The following FAHD2A variants were observed in gnomAD, a reference collection of about 807,000 sequenced individuals.
FAHD2A encodes the protein fumarylacetoacetate hydrolase domain containing 2A.
Under a neutral mutation model 33.4 loss-of-function variants are expected in FAHD2A, and 27 were observed. The ratio of observed to expected loss-of-function variants is 0.81; its 90% CI spans 0.60 to 1.11. FAHD2A has a LOEUF of 1.11. Ranked by LOEUF, FAHD2A falls within the 50% of genes most tolerant of loss-of-function variation. The probability of loss-of-function intolerance (pLI) is 0.00; values close to 1 mark genes in which losing one functional copy is unlikely to be tolerated. For synonymous variants in FAHD2A, 130 were observed against 153.3 expected (o/e 0.85, Z 1.12); for missense variants, 296 against 395.0 (o/e 0.75, Z 2.12).
At chr2:95,416,807 A>G (rs1240336742), downstream of FAHD2A, among the ~76,000 whole-genome samples, 2 of 152,206 alleles carry the variant, frequency 1.3e-5, no homozygotes, top group Non-Finnish European at 2.9e-5. Context: ...GAACTAGGAG[A>G]TACCCACACA....
At chr2:95,412,654 C>A (rs1358264677) in intron 6 of FAHD2A, 23 bp from the exon 7 acceptor site, 25 of 1,613,780 alleles carry the variant, frequency 1.5e-5, no homozygotes, top group Non-Finnish European at 2.0e-5. Context: ...CTGGTCTCAC[C>A]GGGTCCTTCT....
chr2:95,418,665 G>A (rs965045211), downstream of FAHD2A, among the ~76,000 whole-genome samples: 1 of 151,936 alleles, frequency 6.6e-6, no homozygotes, highest in African/African-American at 2.4e-5. Flanking sequence ...TCACAAAGAT[G>A]GGGAATGAGT....
chr2:95,408,246 C>G (rs1681935628), intron 3 of FAHD2A, among the ~76,000 whole-genome samples: 1 of 152,066 alleles, frequency 6.6e-6, no homozygotes, highest in South Asian at 2.1e-4. Flanking sequence ...CCCCAATTCC[C>G]AATCGGAAGT....
At chr2:95,411,144 C>G (rs890414297) in intron 5 of FAHD2A, 118 bp downstream of exon 5, 1 of 1,480,952 alleles carries the variant, frequency 6.8e-7, no homozygotes, top group African/African-American at 1.4e-5. Flanking sequence ...CCTTTCACTG[C>G]TGACTCCATA....
chr2:95,418,019 C>T (rs887724638), downstream of FAHD2A, among the ~76,000 whole-genome samples: 6 of 151,992 alleles, frequency 3.9e-5, 1 homozygote, highest in African/African-American at 1.5e-4. Context: ...ACGATAGAAT[C>T]GAGTGTAGAT....
At chr2:95,408,705 A>G (rs2104361870) in intron 3 of FAHD2A, among the ~76,000 whole-genome samples, 1 of 152,366 alleles carries the variant, frequency 6.6e-6, no homozygotes, top group South Asian at 2.1e-4. Flanking sequence ...GTCCCATAGC[A>G]CGTTAGAATT....
chr2:95,413,281 C>G lies in FAHD2A; in HGVS notation c.*324C>G, dbSNP rs1193306296. 4.3e-6 allele frequency: 6 copies of G among 1,380,014 alleles called. No individual in the cohort carries two copies. The East Asian group carries it at 1.5e-4, about 35-fold the overall frequency. The allele number at this position is 1,380,014 out of a possible 1,614,324, so 85.5% of individuals were successfully genotyped here. ...GGGAAAAGACAATTCGTGTCGTCCC[C>G]TTGTTTATCACATCAAAGAAGGGAA... On this transcript the variant is annotated 3_prime_UTR_variant, in exon 8 of 8. Transcript: ENST00000233379.
intron 1 of FAHD2A, among the ~76,000 whole-genome samples, chr2:95,404,444 C>T (rs1456024845): frequency 6.6e-6 from 1 of 152,130 alleles, no homozygotes; most frequent in Non-Finnish European, 1.5e-5. Flanking sequence ...CAGGTGGCTG[C>T]CACCACACTC....
chr2:95,407,058 A>G lies in FAHD2A; in HGVS notation c.363A>G (p.Glu121=), dbSNP rs1368292607. ...TGAATTATGTGGACCACTGCAAAGAACAGAACGTGCCCGTGCCCAAGGAGC... is the reference window on the plus strand; with the variant it reads ...TGAATTATGTGGACCACTGCAAAGAGCAGAACGTGCCCGTGCCCAAGGAGC... ...VGMNYVDHCK[E]QNVPVPKEPI... is the part of the protein sequence containing the mutation. The change falls in exon 3 of 8, where the codon GAA becomes GAG. Residue 121 remains glutamate, a synonymous_variant. Transcript: ENST00000233379. The G allele has an allele frequency of 6.2e-7, 1 of 1,613,304 alleles. No homozygotes were observed.
At chr2:95,411,253 C>T (rs1426724619) in intron 5 of FAHD2A, among the ~76,000 whole-genome samples, 2 of 152,226 alleles carry the variant, frequency 1.3e-5, no homozygotes, top group East Asian at 1.9e-4. Context: ...AAACTGCATG[C>T]GTGAAGTAAA....
chr2:95,412,464 T>A lies in FAHD2A; in HGVS notation c.716T>A (p.Val239Glu). 3 of 1,613,700 alleles carry A rather than the reference T, an allele frequency of 1.9e-6. No individual in the cohort carries two copies. Among genetic ancestry groups the A allele is most frequent in the Non-Finnish European group, 2.5e-6 (3 of 1,179,818 alleles). The stretch of plus-strand genomic sequence containing the variant: ...CACAACTTAAAGATCTGCTGCCGAG[T>A]GAATGGGGAAGTGGTCCAGAGCGGC... ...DPHNLKICCR[V>E]NGEVVQSGNT... The change falls in exon 6 of 8, where the codon GTG (valine) becomes GAG (glutamate). Residue 239 changes from valine to glutamate, a missense_variant. Coordinates refer to ENST00000233379, the MANE Select transcript of FAHD2A (RefSeq NM_016044.3).
chr2:95,411,294 C>T (rs189256667), intron 5 of FAHD2A, among the ~76,000 whole-genome samples: 186 of 152,334 alleles, frequency 1.2e-3, no homozygotes, highest in Non-Finnish European at 2.1e-3. Context: ...ATGGGTGGAT[C>T]GGGCTTCCTG....
rs375056682 is a variant in FAHD2A at position 95,406,968 on chromosome 2, A to G, written c.273A>G (p.Leu91=). Residue 91 remains leucine (L), a synonymous_variant, in exon 3 of 8, where the codon CTA becomes CTG. Transcript: ENST00000233379. The part of the protein sequence containing the change: ...RRALAAQLPV[L]PRSEVTFLAP... Reference sequence around the variant, plus strand: ...CCCTGGCTGCCCAGTTGCCAGTCCTACCACGGTCGGAGGTAACCTTCCTGG... The same window carrying G: ...CCCTGGCTGCCCAGTTGCCAGTCCTGCCACGGTCGGAGGTAACCTTCCTGG... The G allele has an allele frequency of 1.2e-5, 19 of 1,613,720 alleles. No individual in the cohort carries two copies. The highest frequency in any genetic ancestry group is 2.2e-5 in the East Asian group (1 of 44,896).
At chr2:95,409,727 A>G (rs902908305) in intron 3 of FAHD2A, among the ~76,000 whole-genome samples, 2 of 151,714 alleles carry the variant, frequency 1.3e-5, no homozygotes, top group African/African-American at 4.8e-5. Flanking sequence ...TTCTGTTTTT[A>G]CTCAATTGTT....
In FAHD2A at chr2:95,413,606, AG is replaced by A; in HGVS notation, c.*652del. 6.6e-7 allele frequency: 1 copy of A among 1,506,286 alleles called. No homozygotes were observed. The highest frequency in any genetic ancestry group is 1.3e-5 in the South Asian group (1 of 75,398). 93.3% of individuals were successfully genotyped at this position (1,506,286 alleles called of 1,614,324 possible). A position where few individuals can be genotyped will look rare whatever the true frequency, so the allele number is the denominator to read the frequency against. On this transcript the variant is annotated 3_prime_UTR_variant, in exon 8 of 8. Coordinates refer to ENST00000233379, the MANE Select transcript of FAHD2A (RefSeq NM_016044.3). ...GATGGGCCGTGAGTGCACTCACCAC[AG>A]GGACTGTGTCCACATGGCCCAGGGG...
At chr2:95,417,054 C>T (rs1427224754), downstream of FAHD2A, among the ~76,000 whole-genome samples, 1 of 152,210 alleles carries the variant, frequency 6.6e-6, no homozygotes, top group Non-Finnish European at 1.5e-5. Context: ...ACACAGAGTG[C>T]CCCCTCTGCC....
chr2:95,413,609 G>T lies in FAHD2A; in HGVS notation c.*652G>T. 1 of 1,500,722 alleles carries T rather than the reference G, an allele frequency of 6.7e-7. No individual in the cohort carries two copies. The highest frequency in any genetic ancestry group is 1.3e-5 in the South Asian group (1 of 74,590). 93.0% of individuals were successfully genotyped at this position (1,500,722 alleles called of 1,614,324 possible). Reference sequence around the variant, plus strand: ...GGGCCGTGAGTGCACTCACCACAGGGACTGTGTCCACATGGCCCAGGGGCC... The same window carrying T: ...GGGCCGTGAGTGCACTCACCACAGGTACTGTGTCCACATGGCCCAGGGGCC... On this transcript the variant is annotated 3_prime_UTR_variant, in exon 8 of 8. Coordinates refer to ENST00000233379, the MANE Select transcript of FAHD2A (RefSeq NM_016044.3).
chr2:95,418,386 C>A (rs1280710451), downstream of FAHD2A, among the ~76,000 whole-genome samples: 1 of 151,728 alleles, frequency 6.6e-6, no homozygotes, highest in Non-Finnish European at 1.5e-5. Context: ...ATATCTGTTC[C>A]CTACTTAGAA....
In FAHD2A at chr2:95,412,521, A is replaced by G; in HGVS notation, c.773A>G (p.Asp258Gly). Residue 258 changes from aspartate to glycine, a missense_variant, in exon 6 of 8, where the codon GAC becomes GGC. Asp to Gly is a moderately conservative substitution (Grantham distance 94). Transcript: ENST00000233379. ...AACCAGATGGTATTCAAGACAGAGG[A>G]CCTGATAGCCTGGGTCTCCCAGTGA... is the stretch of plus-strand genomic sequence containing the variant. ...NTNQMVFKTE[D>G]LIAWVSQFVT... The G allele has an allele frequency of 6.2e-7, 1 of 1,613,872 alleles. No individual in the cohort carries two copies. Among genetic ancestry groups the G allele is most frequent in the Non-Finnish European group, 8.5e-7 (1 of 1,179,838 alleles).
Sources: gnomAD v4.1 joint callset for allele counts (sites outside exome capture counted in the v4.1 genomes callset) on GRCh38, gnomAD v4.1.1 for gene constraint, MANE v1.5 for transcripts, NCBI Gene and HGNC (gene_info 2026-07-23, HGNC 2026-07-21) for gene names.